Variants in CHCHD2 observed in about 807,000 individuals in gnomAD.
CHCHD2 encodes the protein coiled-coil-helix-coiled-coil-helix domain-containing protein 2.
In CHCHD2, 17 loss-of-function variants were observed where a neutral mutation model predicts 17.5. The ratio of observed to expected loss-of-function variants is 0.97; its 90% CI spans 0.67 to 1.46. CHCHD2 has a LOEUF of 1.46. CHCHD2 is among the 40% of genes most tolerant of loss of function. The pLI is 0.00. For missense variants in CHCHD2, 175 were observed against 199.9 expected (o/e 0.88, Z 0.75); for synonymous variants, 63 against 74.3 (o/e 0.85, Z 0.78).
chr7:56,104,765 C>T (rs2115582857), intron 1 of CHCHD2, among the ~76,000 whole-genome samples: 1 of 152,048 alleles, frequency 6.6e-6, no homozygotes, highest in Middle Eastern at 3.4e-3. Flanking sequence ...CCGCGACCAC[C>T]TCCGGCTAAT....
Position 56,102,798 on chromosome 7 carries a change from C to T in CHCHD2, c.445+69G>A, listed in dbSNP as rs150438047. 2,042 of 1,524,284 alleles carry T rather than the reference C, an allele frequency of 1.3e-3. 5 individuals are homozygous for T. In the Middle Eastern group the frequency reaches 0.014, roughly 10 times the overall value. 94.4% of individuals were successfully genotyped at this position (1,524,284 alleles called of 1,614,324 possible). A position where few individuals can be genotyped will look rare whatever the true frequency, so the allele number is the denominator to read the frequency against. The stretch of plus-strand genomic sequence containing the variant: ...TCTCTAATTTATTAAACACAGATTA[C>T]CCTAAGTTCTACAGGATCCAGGAAT... On this transcript the variant is annotated intron_variant, in intron 3 of 3. Transcript: ENST00000395422.
chr7:56,104,393 A>G lies in CHCHD2; in HGVS notation c.133T>C (p.Ser45Pro). Reference sequence around the variant, plus strand: ...GGCTGCCGGGGCGCAGCAGCAGAAGAGCCAACTGCAGATGGGGGTGCCGCT... The same window carrying G: ...GGCTGCCGGGGCGCAGCAGCAGAAGGGCCAACTGCAGATGGGGGTGCCGCT... ...PAAAPPSAVG[S>P]SAAAPRQPGL... Residue 45 changes from serine (S) to proline (P), a missense_variant, in exon 2 of 4, where the codon TCT (serine) becomes CCT (proline). Coordinates refer to ENST00000395422, the MANE Select transcript of CHCHD2 (RefSeq NM_016139.4). 1.2e-6 allele frequency: 2 copies of G among 1,611,618 alleles called. No homozygotes were observed. The highest frequency in any genetic ancestry group is 1.7e-6 in the Non-Finnish European group (2 of 1,179,232).
intron 3 of CHCHD2, among the ~76,000 whole-genome samples, chr7:56,102,160 C>T (rs1056124213): frequency 2.6e-5 from 4 of 152,118 alleles, no homozygotes; most frequent in Non-Finnish European, 2.9e-5. Flanking sequence ...CCTGAATCTC[C>T]GGAGTTCCCC....
Position 56,102,397 on chromosome 7 carries a change from C to T in CHCHD2, c.445+470G>A, listed in dbSNP as rs1785304487. Reference sequence around the variant, plus strand: ...TTGAGACAGTGTCTCCCACTGGAGACACCCAGTTGCCCAGGCTGGAATGCA... The same window carrying T: ...TTGAGACAGTGTCTCCCACTGGAGATACCCAGTTGCCCAGGCTGGAATGCA... On this transcript the variant is annotated intron_variant, in intron 3 of 3. Coordinates refer to ENST00000395422, the MANE Select transcript of CHCHD2 (RefSeq NM_016139.4). Among the ~76,000 whole-genome samples, 5 of 149,472 alleles carry T rather than the reference C, an allele frequency of 3.3e-5. No individual in the cohort carries two copies. The South Asian group carries it at 1.1e-3, about 31-fold the overall frequency.
At chr7:56,103,484 G>A (rs1189101239) in intron 2 of CHCHD2, among the ~76,000 whole-genome samples, 1 of 152,166 alleles carries the variant, frequency 6.6e-6, no homozygotes, top group Non-Finnish European at 1.5e-5. Context: ...AGTAAAGACA[G>A]GGTTGCGCTA....
In CHCHD2 at chr7:56,101,588, T is replaced by C; in HGVS notation, c.*263A>G. The C allele has an allele frequency of 4.7e-6, 2 of 428,396 alleles. No homozygotes were observed. Among genetic ancestry groups the C allele is most frequent in the South Asian group, 9.2e-5 (2 of 21,684 alleles). The allele number at this position is 428,396 out of a possible 1,614,324, so 26.5% of individuals were successfully genotyped here. On this transcript the variant is annotated 3_prime_UTR_variant, in exon 4 of 4. Transcript: ENST00000395422. ...GAACCATACCTTGGAAGAAAATGACTTTATTCTAATTAACTCACAAAGAAT... is the reference window on the plus strand; with the variant it reads ...GAACCATACCTTGGAAGAAAATGACCTTATTCTAATTAACTCACAAAGAAT...
rs1382852004 is a variant in CHCHD2, at chr7:56,106,383, G to C, written c.31C>G (p.Arg11Gly). Residue 11 changes from arginine (R) to glycine (G), a missense_variant, in exon 1 of 4, where the codon CGC becomes GGC. Coordinates refer to ENST00000395422, the MANE Select transcript of CHCHD2 (RefSeq NM_016139.4). ...TCTCACCTGGCCGGAGGGGCCATGC[G>C]GGAGGTGCGGCTTCGGCTTCCACGC... MPRGSRSRTS[R>G]MAPPASRAPQ... is the part of the protein sequence containing the mutation. The C allele has an allele frequency of 8.7e-6, 14 of 1,613,518 alleles. 1 individual carries two copies. In the South Asian group the frequency reaches 1.4e-4, roughly 16 times the overall value.
chr7:56,102,180 T>TA (rs925851997), intron 3 of CHCHD2, among the ~76,000 whole-genome samples: 1 of 151,866 alleles, frequency 6.6e-6, no homozygotes, highest in African/African-American at 2.4e-5. Context: ...CTGAGGAACT[T>TA]AATTAACTCC....
chr7:56,103,655 G>GA (rs1187677772), intron 2 of CHCHD2, among the ~76,000 whole-genome samples: 1 of 152,092 alleles, frequency 6.6e-6, no homozygotes, highest in African/African-American at 2.4e-5. Context: ...ATTACAACCA[G>GA]AAAGATTCCT....
chr7:56,104,497 C>A (rs763256748), intron 1 of CHCHD2, 22 bp from the exon 2 acceptor site: 2 of 1,527,498 alleles, frequency 1.3e-6, no homozygotes, highest in East Asian at 4.7e-5. Context: ...AAGAAAAAAA[C>A]ATCAAGTTCC....
chr7:56,106,126 A>G (rs1785379106), intron 1 of CHCHD2, among the ~76,000 whole-genome samples: 1 of 152,104 alleles, frequency 6.6e-6, no homozygotes, highest in Non-Finnish European at 1.5e-5. Context: ...CCTTCCTACC[A>G]CCTGGCCATA....
Position 56,102,929 on chromosome 7 carries a change from T to C in CHCHD2, c.383A>G (p.Gln128Arg). 6.2e-7 allele frequency: 1 copy of C among 1,614,116 alleles called. No homozygotes were observed. Among genetic ancestry groups the C allele is most frequent in the Non-Finnish European group, 8.5e-7 (1 of 1,179,966 alleles). ...IKQFLECAQN[Q>R]GDIKLCEGFN... ...ACCCTCACAGAGCTTGATGTCACCC[T>C]GGTTCTGGGCACACTCCAGAAACTG... The change falls in exon 3 of 4, where the codon CAG becomes CGG. Residue 128 changes from glutamine (Q) to arginine (R), a missense_variant. Coordinates refer to ENST00000395422, the MANE Select transcript of CHCHD2 (RefSeq NM_016139.4).
intron 1 of CHCHD2, among the ~76,000 whole-genome samples, chr7:56,104,857 G>A (rs147534070): frequency 0.012 from 1,823 of 151,812 alleles, 16 homozygotes; most frequent in African/African-American, 0.026. Flanking sequence ...TGATCCACCC[G>A]CCTCGGACTC....
rs6971804 is a variant in CHCHD2, at chr7:56,106,123, A to G, written c.50+241T>C. ...GCTAGGTCAAAATTTATGCCTTCCTACCACCTGGCCATAACGTTATGCCTT... is the reference window on the plus strand; with the variant it reads ...GCTAGGTCAAAATTTATGCCTTCCTGCCACCTGGCCATAACGTTATGCCTT... On this transcript the variant is annotated intron_variant, in intron 1 of 3. Coordinates refer to ENST00000395422, the MANE Select transcript of CHCHD2 (RefSeq NM_016139.4). Among the ~76,000 whole-genome samples the G allele has an allele frequency of 0.22, 33,394 of 152,024 alleles. 3,836 individuals carry two copies. The highest frequency in any genetic ancestry group is 0.4 in the East Asian group (2,068 of 5,162).
intron 2 of CHCHD2, among the ~76,000 whole-genome samples, chr7:56,103,273 C>T (rs554822789): frequency 4.6e-5 from 7 of 152,166 alleles, no homozygotes; most frequent in African/African-American, 9.6e-5. Flanking sequence ...TGAGGTCAGG[C>T]GTTTGAGACC....
At chr7:56,102,037 G>A (rs180739099) in intron 3 of CHCHD2, among the ~76,000 whole-genome samples, 176 bp from the exon 4 acceptor site, 46 of 151,212 alleles carry the variant, frequency 3.0e-4, no homozygotes, top group East Asian at 5.9e-4. Context: ...GGCTGGTCTC[G>A]AACTCCTGGA....
intron 3 of CHCHD2, among the ~76,000 whole-genome samples, chr7:56,102,152 T>C (rs1785296025): frequency 6.6e-6 from 1 of 152,084 alleles, no homozygotes; most frequent in South Asian, 2.1e-4. Context: ...CAAGACACCC[T>C]GAATCTCCGG....
chr7:56,106,165 G>A (rs901736183), intron 1 of CHCHD2, among the ~76,000 whole-genome samples, 199 bp downstream of exon 1: 2 of 152,142 alleles, frequency 1.3e-5, no homozygotes, highest in Non-Finnish European at 2.9e-5. Context: ...TGTTTGGATA[G>A]GAAGCTTTTT....
At chr7:56,101,980 G>GTTT in intron 3 of CHCHD2, 119 bp from the exon 4 acceptor site, 1 of 946,394 alleles carries the variant, frequency 1.1e-6, no homozygotes, top group African/African-American at 1.7e-5. Flanking sequence ...TTTGTTTTTT[G>GTTT]TTTTTTTTTG....
Sources: gnomAD v4.1 joint callset for allele counts (sites outside exome capture counted in the v4.1 genomes callset) on GRCh38, gnomAD v4.1.1 for gene constraint, MANE v1.5 for transcripts, NCBI Gene and HGNC (gene_info 2026-07-23, HGNC 2026-07-21) for gene names.